PRKCQ: variants seen among roughly 807,000 people sequenced by gnomAD.
PRKCQ encodes the protein protein kinase C theta.
A neutral mutation model predicts 91.2 loss-of-function variants in PRKCQ; 41 were observed. That is an observed-to-expected ratio of 0.45 (90% CI 0.35 to 0.58). The LOEUF is 0.58. PRKCQ is among the 20% of genes least tolerant of loss of function. PRKCQ has a pLI of 0.00. For synonymous variants in PRKCQ, 307 were observed against 316.9 expected (o/e 0.97, Z 0.33); for missense variants, 673 against 896.5 (o/e 0.75, Z 3.18).
At chr10:6,438,492 A>T (rs925943817) in intron 16 of PRKCQ, among the ~76,000 whole-genome samples, 1 of 152,236 alleles carries the variant, frequency 6.6e-6, no homozygotes, top group African/African-American at 2.4e-5. Flanking sequence ...TCTCTAAATG[A>T]TGATTATTTT....
chr10:6,451,847 G>T (rs977431635), intron 15 of PRKCQ, among the ~76,000 whole-genome samples: 19 of 152,306 alleles, frequency 1.2e-4, no homozygotes, highest in African/African-American at 4.6e-4. Flanking sequence ...CTCAATAGAT[G>T]CAGAAAAGGC....
At chr10:6,452,141 T>A (rs1198537318) in intron 15 of PRKCQ, among the ~76,000 whole-genome samples, 1 of 152,174 alleles carries the variant, frequency 6.6e-6, no homozygotes, top group Non-Finnish European at 1.5e-5. Flanking sequence ...CAAATTGTCC[T>A]GTTTGCAGAT....
intron 12 of PRKCQ, among the ~76,000 whole-genome samples, chr10:6,467,073 G>A (rs17300888): frequency 0.13 from 19,250 of 152,018 alleles, 1,623 homozygotes; most frequent in Middle Eastern, 0.27. Flanking sequence ...GTCCTCAGTG[G>A]GCAATTGATA....
intron 1 of PRKCQ, among the ~76,000 whole-genome samples, chr10:6,558,693 T>C (rs979315021): frequency 6.6e-6 from 1 of 152,230 alleles, no homozygotes; most frequent in African/African-American, 2.4e-5. Context: ...ATTCTTGCAC[T>C]TGTGAGGAGG....
chr10:6,521,985 C>T (rs1839032353), intron 1 of PRKCQ, among the ~76,000 whole-genome samples: 1 of 151,924 alleles, frequency 6.6e-6, no homozygotes, highest in Non-Finnish European at 1.5e-5. Flanking sequence ...CCCTGTTGCC[C>T]AGGCTGGAGT....
intron 13 of PRKCQ, 152 bp downstream of exon 13, chr10:6,464,161 C>A: frequency 1.4e-6 from 1 of 733,160 alleles, no homozygotes; most frequent in African/African-American, 1.8e-5. Context: ...TTCAGTTTCA[C>A]AACCTGGGAA....
chr10:6,517,165 G>C (rs777371578), intron 1 of PRKCQ, among the ~76,000 whole-genome samples: 1 of 151,984 alleles, frequency 6.6e-6, no homozygotes, highest in African/African-American at 2.4e-5. Context: ...TTTTACACCC[G>C]AACTACACAG....
At chr10:6,480,419 A>C (rs1333910941) in intron 11 of PRKCQ, among the ~76,000 whole-genome samples, 1 of 152,238 alleles carries the variant, frequency 6.6e-6, no homozygotes, top group African/African-American at 2.4e-5. Flanking sequence ...ATCAAAGGAC[A>C]CCAGATGGCA....
At chr10:6,544,580 T>TTAA (rs1356154984) in intron 1 of PRKCQ, among the ~76,000 whole-genome samples, 1 of 152,128 alleles carries the variant, frequency 6.6e-6, no homozygotes, top group Non-Finnish European at 1.5e-5. Context: ...TGATGACTGT[T>TTAA]TAACCTCCTC....
At chr10:6,507,648 G>A (rs1050656859) in intron 3 of PRKCQ, 152 bp from the exon 4 acceptor site, 10 of 673,744 alleles carry the variant, frequency 1.5e-5, no homozygotes, top group African/African-American at 5.3e-5. Flanking sequence ...GTCATCAGAC[G>A]ACTGTAGCAA....
At chr10:6,523,033 TA>T (rs142574287) in intron 1 of PRKCQ, among the ~76,000 whole-genome samples, 173 of 150,498 alleles carry the variant, frequency 1.1e-3, no homozygotes, top group African/African-American at 3.7e-3. Context: ...TGATAACTAG[TA>T]AAAAAAAAAT....
At chr10:6,483,339 A>G (rs1836717942) in intron 11 of PRKCQ, 101 bp downstream of exon 11, 13 of 1,470,488 alleles carry the variant, frequency 8.8e-6, no homozygotes, top group Non-Finnish European at 1.1e-5. Flanking sequence ...TGACACTCAC[A>G]TGCAATCCTA....
intron 1 of PRKCQ, among the ~76,000 whole-genome samples, chr10:6,555,541 T>C (rs1012150873): frequency 6.6e-6 from 1 of 152,198 alleles, no homozygotes; most frequent in Non-Finnish European, 1.5e-5. Flanking sequence ...AAGACATTCA[T>C]TGTTGTGTAT....
chr10:6,403,591 C>T, the PRKCQ span, among the ~76,000 whole-genome samples: 4 of 152,156 alleles, frequency 2.6e-5, no homozygotes, highest in African/African-American at 9.7e-5. Context: ...TCTCCCCATG[C>T]TCATGGCCTG....
At position 6,428,044 on chromosome 10, in the gene PRKCQ, G is replaced by T; in HGVS notation, c.*163C>A. 1.3e-6 allele frequency: 1 copy of T among 798,318 alleles called. No homozygotes were observed. The highest frequency in any genetic ancestry group is 2.0e-6 in the Non-Finnish European group (1 of 509,442). The allele number at this position is 798,318 out of a possible 1,614,324, so 49.5% of individuals were successfully genotyped here. A position where few individuals can be genotyped will look rare whatever the true frequency, so the allele number is the denominator to read the frequency against. On this transcript the variant is annotated 3_prime_UTR_variant, in exon 18 of 18. Coordinates refer to ENST00000263125, the MANE Select transcript of PRKCQ (RefSeq NM_006257.5). ...GCATCGTCATTAGTGAAGTAGACTT[G>T]GTTTCTGCTACAGATAAAAGTCACA...
the PRKCQ span, among the ~76,000 whole-genome samples, chr10:6,407,417 G>T: frequency 6.6e-6 from 1 of 150,934 alleles, no homozygotes; most frequent in Non-Finnish European, 1.5e-5. The surrounding 1 kb of genome is among the most constrained non-coding windows in gnomAD (Gnocchi z 4.0). Flanking sequence ...AGCATGTGGT[G>T]TGCTTGGAAA....
chr10:6,506,532 C>T (rs186492168), intron 4 of PRKCQ, among the ~76,000 whole-genome samples: 89 of 152,132 alleles, frequency 5.9e-4, no homozygotes, highest in African/African-American at 2.1e-3. Context: ...GAAACATAAC[C>T]GCAATATTAT....
intron 12 of PRKCQ, among the ~76,000 whole-genome samples, chr10:6,476,629 TATA>T (rs1836284611): frequency 6.6e-6 from 1 of 152,226 alleles, no homozygotes. Flanking sequence ...TCTCTGACCA[TATA>T]ATAATTTATT....
intron 16 of PRKCQ, among the ~76,000 whole-genome samples, chr10:6,440,952 C>T (rs1390475485): frequency 6.6e-6 from 1 of 152,130 alleles, no homozygotes; most frequent in Non-Finnish European, 1.5e-5. Flanking sequence ...CATGCCACTG[C>T]ACTGCAGCCT....
Sources: gnomAD v4.1 joint callset for allele counts (sites outside exome capture counted in the v4.1 genomes callset) on GRCh38, gnomAD v4.1.1 for gene constraint, Gnocchi (gnomAD v3.1) non-coding constraint, MANE v1.5 for transcripts, NCBI Gene and HGNC (gene_info 2026-07-23, HGNC 2026-07-21) for gene names.